HS2ST1: variants seen among roughly 807,000 people sequenced by gnomAD.
The protein encoded by HS2ST1 is 2-O-sulfotransferase.
A neutral mutation model predicts 42.9 loss-of-function variants in HS2ST1; 18 were observed. The observed-to-expected ratio is 0.42, with a 90% CI of 0.29 to 0.62. The LOEUF (loss-of-function observed/expected upper bound fraction) is 0.62. Ranked by LOEUF, HS2ST1 falls within the 20% of genes least tolerant of loss-of-function variation. The pLI, the probability that HS2ST1 is intolerant of heterozygous loss-of-function variation, is 0.21. For synonymous variants in HS2ST1, 146 were observed against 152.9 expected (o/e 0.95, Z 0.33); for missense variants, 334 against 433.8 (o/e 0.77, Z 2.04).
chr1:87,042,092 C>G (rs964954364), intron 1 of HS2ST1, among the ~76,000 whole-genome samples: 1 of 152,068 alleles, frequency 6.6e-6, no homozygotes, highest in African/African-American at 2.4e-5. Flanking sequence ...CCAGCATCTT[C>G]CTATACCTGT....
At chr1:87,095,330 C>T (rs1374922403) in intron 4 of HS2ST1, among the ~76,000 whole-genome samples, 1 of 152,128 alleles carries the variant, frequency 6.6e-6, no homozygotes, top group African/African-American at 2.4e-5. Context: ...AGATTCTTTG[C>T]ACCTCAAGTG....
At position 87,103,444 on chromosome 1, in the gene HS2ST1, C is replaced by A. The variant is rs772787962; in HGVS notation, c.699C>A (p.Ser233Arg). ...TCTTTGGTTTCAGGAATGTGGGAAGCAGGTGGGCTATGGATCAAGCCAAGT... is the reference window on the plus strand; with the variant it reads ...TCTTTGGTTTCAGGAATGTGGGAAGAAGGTGGGCTATGGATCAAGCCAAGT... ...GHSSECWNVG[S>R]RWAMDQAKYN... Residue 233 changes from serine to arginine, a missense_variant, in exon 6 of 7, where the codon AGC (serine) becomes AGA (arginine). Coordinates refer to ENST00000370550, the MANE Select transcript of HS2ST1 (RefSeq NM_012262.4). 1 of 1,596,848 alleles carries A rather than the reference C, an allele frequency of 6.3e-7. No individual in the cohort carries two copies. The highest frequency in any genetic ancestry group is 1.8e-5 in the Admixed American group (1 of 55,652).
At chr1:87,056,497 A>G (rs985718059) in intron 1 of HS2ST1, among the ~76,000 whole-genome samples, 1 of 152,146 alleles carries the variant, frequency 6.6e-6, no homozygotes, top group Non-Finnish European at 1.5e-5. Context: ...CAACACACAA[A>G]CTATGTTTAT....
At position 87,003,040 on chromosome 1, in the gene HS2ST1, G is replaced by A. The variant is rs527493075; in HGVS notation, c.125-69894G>A. On this transcript the variant is annotated intron_variant, in intron 1 of 6. Transcript: ENST00000370550. The stretch of plus-strand genomic sequence containing the variant: ...ATCTACTTGTATAAGCAAGGGGTGC[G>A]TGTGGCCCACGCCCTGATGGCTCCA... Among the ~76,000 whole-genome samples the A allele has an allele frequency of 7.2e-5, 11 of 152,362 alleles. No homozygotes were observed. The East Asian group carries it at 7.7e-4, about 11-fold the overall frequency.
intron 1 of HS2ST1, among the ~76,000 whole-genome samples, chr1:87,033,144 T>C (rs1258436591): frequency 6.6e-6 from 1 of 152,214 alleles, no homozygotes; most frequent in East Asian, 1.9e-4. Context: ...TATACATAAG[T>C]AGAATAGTAA....
intron 1 of HS2ST1, among the ~76,000 whole-genome samples, chr1:86,927,290 C>G (rs1660442477): frequency 6.6e-6 from 1 of 152,048 alleles, no homozygotes; most frequent in Non-Finnish European, 1.5e-5. Context: ...CATTATAGTC[C>G]TCAGATCTTC....
At chr1:86,939,047 A>G (rs555517707) in intron 1 of HS2ST1, among the ~76,000 whole-genome samples, 2 of 152,344 alleles carry the variant, frequency 1.3e-5, no homozygotes, top group South Asian at 4.1e-4. Context: ...TGAAGTGGTT[A>G]TGCAAATAAA....
At chr1:86,928,493 C>G (rs1266738588) in intron 1 of HS2ST1, among the ~76,000 whole-genome samples, 1 of 151,782 alleles carries the variant, frequency 6.6e-6, no homozygotes, top group African/African-American at 2.4e-5. Flanking sequence ...AAGAAAGTGC[C>G]TCCAATTGCC....
intron 1 of HS2ST1, among the ~76,000 whole-genome samples, chr1:86,960,211 T>C (rs1426112761): frequency 7.5e-6 from 1 of 134,154 alleles, no homozygotes; most frequent in African/African-American, 2.8e-5. Context: ...GGATATCTCA[T>C]TCCCCTCCAC....
rs1652288620 is a variant in HS2ST1, at chr1:87,104,605, T to C, written c.980T>C (p.Ile327Thr). Reference protein sequence around the residue: ...YEFALEQFQFIRAHAVREKDG... With the variant: ...YEFALEQFQFTRAHAVREKDG... ...TTTGCACTAGAGCAGTTCCAATTCATCAGAGCCCATGCCGTTCGAGAAAAA... is the reference window on the plus strand; with the variant it reads ...TTTGCACTAGAGCAGTTCCAATTCACCAGAGCCCATGCCGTTCGAGAAAAA... The change falls in exon 7 of 7, where the codon ATC becomes ACC. Residue 327 changes from isoleucine (I) to threonine (T), a missense_variant. Physicochemically the swap from Ile to Thr is moderately conservative, Grantham distance 89. Transcript: ENST00000370550. 1 of 1,613,574 alleles carries C rather than the reference T, an allele frequency of 6.2e-7. No individual in the cohort carries two copies. The highest frequency in any genetic ancestry group is 8.5e-7 in the Non-Finnish European group (1 of 1,179,548).
intron 1 of HS2ST1, among the ~76,000 whole-genome samples, chr1:86,990,834 ATATTTTTTTT>A (rs1347050146): frequency 3.3e-4 from 6 of 18,232 alleles, no homozygotes; most frequent in East Asian, 9.3e-3. Flanking sequence ...ATATATATAT[ATATTTTTTTT>A]TTTTTTTTTT....
At chr1:86,939,201 A>AT (rs1660716269) in intron 1 of HS2ST1, among the ~76,000 whole-genome samples, 1 of 152,226 alleles carries the variant, frequency 6.6e-6, no homozygotes, top group East Asian at 1.9e-4. Flanking sequence ...GGAGTTAAAT[A>AT]TAAGTCCTGA....
At chr1:87,062,852 A>G (rs541485763) in intron 1 of HS2ST1, among the ~76,000 whole-genome samples, 1 of 152,196 alleles carries the variant, frequency 6.6e-6, no homozygotes. Context: ...GCCACTTCCT[A>G]TTGGCTCCAT....
chr1:86,957,861 C>G (rs1452600023), intron 1 of HS2ST1, among the ~76,000 whole-genome samples: 2 of 147,138 alleles, frequency 1.4e-5, no homozygotes, highest in East Asian at 4.0e-4. Context: ...ATGGTGTGCT[C>G]TCAGCTCACT....
chr1:87,016,016 C>T (rs1430456099), intron 1 of HS2ST1, among the ~76,000 whole-genome samples: 3 of 151,764 alleles, frequency 2.0e-5, no homozygotes, highest in African/African-American at 7.3e-5. Context: ...GGGGTTTCAC[C>T]ATGTTGGCCA....
chr1:87,011,189 G>A (rs766596648), intron 1 of HS2ST1, among the ~76,000 whole-genome samples: 12 of 152,052 alleles, frequency 7.9e-5, no homozygotes, highest in Non-Finnish European at 1.3e-4. Context: ...TCAAAAAGCC[G>A]TCAGTTCCAT....
chr1:86,967,102 G>A (rs367711616), intron 1 of HS2ST1, among the ~76,000 whole-genome samples: 1 of 152,028 alleles, frequency 6.6e-6, no homozygotes, highest in East Asian at 1.9e-4. Context: ...TGTTGGTCAG[G>A]CTGGTCTCGA....
At chr1:86,968,530 G>A (rs576320370) in intron 1 of HS2ST1, among the ~76,000 whole-genome samples, 35 of 151,804 alleles carry the variant, frequency 2.3e-4, no homozygotes, top group South Asian at 6.2e-4. Context: ...TCAGCCTCCC[G>A]AGTAGCTGGG....
At chr1:87,009,225 A>G (rs1173386218) in intron 1 of HS2ST1, among the ~76,000 whole-genome samples, 1 of 152,210 alleles carries the variant, frequency 6.6e-6, no homozygotes, top group Non-Finnish European at 1.5e-5. Flanking sequence ...AATGTGTATT[A>G]TGTGTTTACC....
Sources: allele counts gnomAD v4.1 joint callset (sites outside exome capture counted in the v4.1 genomes callset), GRCh38; gene constraint gnomAD v4.1.1; transcripts MANE v1.5; gene names NCBI Gene and HGNC (gene_info 2026-07-23, HGNC 2026-07-21).